Variants in BEND6 observed in about 807,000 individuals in gnomAD.
BEND6 encodes BEN domain-containing protein 6.
A neutral mutation model predicts 31.8 loss-of-function variants in BEND6; 24 were observed. The observed-to-expected ratio is 0.75, with a 90% confidence interval of 0.55 to 1.06. The LOEUF is 1.06. Among genes scored for constraint, BEND6 ranks in the 50% least tolerant of loss-of-function variants. The pLI is 0.00. For missense variants in BEND6, 294 were observed against 327.4 expected (o/e 0.90, Z 0.79); for synonymous variants, 109 against 114.6 (o/e 0.95, Z 0.31).
intron 3 of BEND6, chr6:57,004,464 C>T: frequency 1.6e-6 from 1 of 627,352 alleles, no homozygotes; most frequent in Non-Finnish European, 2.9e-6. Context: ...TCCGCTGCCT[C>T]CTCACCGCGC....
chr6:56,956,616 A>G (rs942879597), intron 1 of BEND6, among the ~76,000 whole-genome samples: 1 of 152,204 alleles, frequency 6.6e-6, no homozygotes, highest in African/African-American at 2.4e-5. Context: ...GATTGAACTC[A>G]GAAGGGCCCT....
intron 1 of BEND6, among the ~76,000 whole-genome samples, chr6:56,962,233 A>G (rs1825316877): frequency 6.6e-6 from 1 of 152,188 alleles, no homozygotes; most frequent in African/African-American, 2.4e-5. Flanking sequence ...TCTGTTCATT[A>G]TGAATTACTA....
intron 6 of BEND6, among the ~76,000 whole-genome samples, chr6:57,024,837 A>T (rs1827854705): frequency 6.6e-6 from 1 of 152,154 alleles, no homozygotes; most frequent in African/African-American, 2.4e-5. Flanking sequence ...GAATAATAAT[A>T]AGTCTTCGAT....
At chr6:56,975,072 G>A (rs1825825560) in intron 1 of BEND6, among the ~76,000 whole-genome samples, 2 of 152,024 alleles carry the variant, frequency 1.3e-5, no homozygotes, top group South Asian at 2.1e-4. Flanking sequence ...AGCTGAGACC[G>A]AGCCATTGCA....
At chr6:57,011,866 C>T (rs1048629250) in intron 3 of BEND6, among the ~76,000 whole-genome samples, 1 of 151,912 alleles carries the variant, frequency 6.6e-6, no homozygotes, top group Admixed American at 6.6e-5. Context: ...TGGCTCACGC[C>T]TGTAATCCCA....
intron 3 of BEND6, among the ~76,000 whole-genome samples, chr6:57,008,005 G>C (rs1827220780): frequency 6.6e-6 from 1 of 152,184 alleles, no homozygotes; most frequent in Non-Finnish European, 1.5e-5. Flanking sequence ...ATAGGTTGGG[G>C]TTATGTGCCT....
intron 2 of BEND6, among the ~76,000 whole-genome samples, chr6:56,990,105 C>A (rs1246198974): frequency 6.6e-6 from 1 of 151,648 alleles, no homozygotes; most frequent in Non-Finnish European, 1.5e-5. Context: ...AGATCCATTT[C>A]CTTTCATTTT....
intron 1 of BEND6, among the ~76,000 whole-genome samples, chr6:56,962,128 C>G (rs989605506): frequency 9.9e-5 from 15 of 152,158 alleles, no homozygotes; most frequent in African/African-American, 3.4e-4. Flanking sequence ...CTCTTTCTCT[C>G]TCTCATCTTC....
At chr6:56,980,204 T>C (rs538739491) in intron 1 of BEND6, among the ~76,000 whole-genome samples, 1 of 152,340 alleles carries the variant, frequency 6.6e-6, no homozygotes, top group African/African-American at 2.4e-5. Flanking sequence ...TTTTCTTTTT[T>C]GGAGACAGAG....
At chr6:57,022,167 T>TC (rs58332182) in intron 6 of BEND6, among the ~76,000 whole-genome samples, 163 of 142,466 alleles carry the variant, frequency 1.1e-3, no homozygotes, top group Admixed American at 4.1e-3. Flanking sequence ...TCTTTTTCTT[T>TC]TTTTTTTTTT....
In BEND6 at chr6:57,026,088, C is replaced by G. The variant is rs1827892811; in HGVS notation, c.*16C>G. 1 of 152,128 alleles carries G rather than the reference C, an allele frequency of 6.6e-6. No individual in the cohort carries two copies. The highest frequency in any genetic ancestry group is 6.5e-5 in the Admixed American group (1 of 15,274). 9.4% of individuals were successfully genotyped at this position (152,128 alleles called of 1,614,324 possible). ...TGAAATTTGCTTTTTGTAGGTATTA[C>G]AGGTATCTGAAACAAAGCACCTTCA... On this transcript the variant is annotated 3_prime_UTR_variant, in exon 7 of 7. Transcript: ENST00000370746.
At chr6:56,984,235 A>C (rs564930767) in intron 2 of BEND6, among the ~76,000 whole-genome samples, 91 of 152,218 alleles carry the variant, frequency 6.0e-4, no homozygotes, top group Non-Finnish European at 1.0e-3. Flanking sequence ...ACAAAAAAAA[A>C]AGCAAAGAAA....
At chr6:56,993,385 A>T (rs1826584283) in intron 3 of BEND6, among the ~76,000 whole-genome samples, 1 of 152,230 alleles carries the variant, frequency 6.6e-6, no homozygotes, top group Non-Finnish European at 1.5e-5. Context: ...GAATGAGTAC[A>T]AGTGGTACAA....
At chr6:56,987,334 A>G (rs1826319549) in intron 2 of BEND6, among the ~76,000 whole-genome samples, 1 of 152,160 alleles carries the variant, frequency 6.6e-6, no homozygotes, top group Non-Finnish European at 1.5e-5. Context: ...TAACTAGGAT[A>G]CAAGCACATT....
At chr6:56,977,709 G>A (rs1732193961) in intron 1 of BEND6, among the ~76,000 whole-genome samples, 1 of 152,170 alleles carries the variant, frequency 6.6e-6, no homozygotes, top group Non-Finnish European at 1.5e-5. Context: ...TGTAATCCCA[G>A]CATTTGGAAG....
At chr6:56,970,196 T>G (rs1825643035) in intron 1 of BEND6, among the ~76,000 whole-genome samples, 1 of 151,324 alleles carries the variant, frequency 6.6e-6, no homozygotes, top group African/African-American at 2.4e-5. Context: ...CCAACCACAT[T>G]TTTTTTTTCT....
chr6:56,969,795 T>A (rs773942229), intron 1 of BEND6, among the ~76,000 whole-genome samples: 2 of 152,140 alleles, frequency 1.3e-5, no homozygotes, highest in Non-Finnish European at 2.9e-5. Flanking sequence ...TGTCATTGAT[T>A]TGTTAAAATT....
chr6:57,008,551 G>C (rs1246065748), intron 3 of BEND6: 9 of 285,408 alleles, frequency 3.2e-5, no homozygotes, highest in Non-Finnish European at 1.9e-5. Flanking sequence ...CTGGGTGACA[G>C]ACACAGACAC....
chr6:56,986,986 T>C (rs1172093600), intron 2 of BEND6, among the ~76,000 whole-genome samples: 3 of 150,104 alleles, frequency 2.0e-5, no homozygotes, highest in Admixed American at 6.6e-5. Context: ...TTTTTTTTTT[T>C]TTTTTTTGAG....
Sources: gnomAD v4.1 joint callset for allele counts (sites outside exome capture counted in the v4.1 genomes callset) on GRCh38, gnomAD v4.1.1 for gene constraint, MANE v1.5 for transcripts, NCBI Gene and HGNC (gene_info 2026-07-23, HGNC 2026-07-21) for gene names.